Variants in SYNDIG1 observed in about 807,000 individuals in gnomAD.
SYNDIG1 encodes synapse differentiation-inducing gene protein 1.
A neutral mutation model predicts 19.4 loss-of-function variants in SYNDIG1; 9 were observed. The observed-to-expected ratio is 0.46, with a 90% CI of 0.28 to 0.81. The LOEUF (loss-of-function observed/expected upper bound fraction) is 0.81. SYNDIG1 is among the 30% of genes least tolerant of loss of function. The pLI, the probability that SYNDIG1 is intolerant of heterozygous loss-of-function variation, is 0.12. For missense variants in SYNDIG1, 311 were observed against 343.3 expected (o/e 0.91, Z 0.74); for synonymous variants, 141 against 145.9 (o/e 0.97, Z 0.24).
chr20:24,544,299 C>A (rs561779909), intron 2 of SYNDIG1, among the ~76,000 whole-genome samples: 1 of 152,156 alleles, frequency 6.6e-6, no homozygotes, highest in African/African-American at 2.4e-5. Flanking sequence ...CATGGACTAG[C>A]GGTTTGCTGC....
chr20:24,603,282 GC>G (rs1195726906), intron 3 of SYNDIG1, among the ~76,000 whole-genome samples: 1 of 152,094 alleles, frequency 6.6e-6, no homozygotes, highest in Non-Finnish European at 1.5e-5. Context: ...AAACCATGCT[GC>G]CAAATCCTCT....
chr20:24,633,888 G>A (rs551630706), intron 3 of SYNDIG1, among the ~76,000 whole-genome samples: 163 of 152,240 alleles, frequency 1.1e-3, no homozygotes, highest in African/African-American at 3.8e-3. Context: ...CGTGACACCC[G>A]CACCAGCCGC....
intron 1 of SYNDIG1, among the ~76,000 whole-genome samples, chr20:24,542,675 C>G (rs890988329): frequency 6.6e-6 from 1 of 152,060 alleles, no homozygotes; most frequent in Non-Finnish European, 1.5e-5. Context: ...TTCCTATGGA[C>G]TTGTCAGATG....
intron 3 of SYNDIG1, among the ~76,000 whole-genome samples, chr20:24,664,204 G>A (rs943423002): frequency 6.6e-6 from 1 of 152,180 alleles, no homozygotes; most frequent in Non-Finnish European, 1.5e-5. Context: ...CAGAGACCAT[G>A]GAAGATGCAG....
intron 1 of SYNDIG1, among the ~76,000 whole-genome samples, chr20:24,498,587 A>T (rs945212878): frequency 6.6e-6 from 1 of 152,100 alleles, no homozygotes; most frequent in African/African-American, 2.4e-5. Flanking sequence ...TAGATTCCTC[A>T]TGTCATATAT....
intron 3 of SYNDIG1, among the ~76,000 whole-genome samples, chr20:24,641,220 G>A (rs943197344): frequency 1.2e-4 from 18 of 152,106 alleles, no homozygotes; most frequent in Admixed American, 9.8e-4. Flanking sequence ...GGTTTCACAC[G>A]CAGACATGTT....
chr20:24,508,009 C>T (rs911232400), intron 1 of SYNDIG1, among the ~76,000 whole-genome samples: 1 of 152,084 alleles, frequency 6.6e-6, no homozygotes, highest in Non-Finnish European at 1.5e-5. Flanking sequence ...CCAAGAGGAC[C>T]ACTGCAGGCC....
At chr20:24,661,893 A>C (rs2059608111) in intron 3 of SYNDIG1, among the ~76,000 whole-genome samples, 1 of 152,158 alleles carries the variant, frequency 6.6e-6, no homozygotes, top group Non-Finnish European at 1.5e-5. Context: ...ACCAATGGGC[A>C]GGGTGGGGGG....
chr20:24,493,176 AT>A (rs1463683276), intron 1 of SYNDIG1, among the ~76,000 whole-genome samples: 1 of 152,238 alleles, frequency 6.6e-6, no homozygotes, highest in Non-Finnish European at 1.5e-5. Context: ...ACACTTGATC[AT>A]TTTTCACTCC....
At chr20:24,615,036 T>C (rs936420318) in intron 3 of SYNDIG1, among the ~76,000 whole-genome samples, 3 of 152,244 alleles carry the variant, frequency 2.0e-5, no homozygotes, top group African/African-American at 7.2e-5. Flanking sequence ...CCTACTTTAA[T>C]AAGTGAAAGC....
At chr20:24,588,734 G>A in intron 3 of SYNDIG1, among the ~76,000 whole-genome samples, 1 of 152,222 alleles carries the variant, frequency 6.6e-6, no homozygotes, top group East Asian at 1.9e-4. Context: ...GAAGAGGGAA[G>A]GGAGGGATGC....
rs116989841 is a variant in SYNDIG1, at chr20:24,581,805, A to G, written c.481-3051A>G. Among the ~76,000 whole-genome samples the G allele has an allele frequency of 8.8e-3, 1,207 of 137,636 alleles. 6 individuals are homozygous for G. Among genetic ancestry groups the G allele is most frequent in the Middle Eastern group, 0.02 (4 of 202 alleles). The allele number at this position is 137,636 out of a possible 152,430, so 90.3% of individuals were successfully genotyped here. ...CATCCTCCCCGCTGCATGTCCTCCC[A>G]ACTGGACTTCCTCCCCACTGCACGT... On this transcript the variant is annotated intron_variant, in intron 2 of 3. Transcript: ENST00000376862.
chr20:24,634,599 C>T (rs1010894093), intron 3 of SYNDIG1, among the ~76,000 whole-genome samples: 2 of 152,180 alleles, frequency 1.3e-5, no homozygotes, highest in Non-Finnish European at 2.9e-5. Flanking sequence ...GTTTGTGTTT[C>T]ATTGGTTACT....
At chr20:24,491,904 T>A (rs1307338820) in intron 1 of SYNDIG1, among the ~76,000 whole-genome samples, 1 of 152,194 alleles carries the variant, frequency 6.6e-6, no homozygotes, top group Non-Finnish European at 1.5e-5. Context: ...TCAATGCAAG[T>A]ACTCTTTGGA....
rs1447483994 is a variant in SYNDIG1, at chr20:24,618,002, G to T, written c.618+33009G>T. 8.9e-5 allele frequency among the ~76,000 whole-genome samples: 13 copies of T among 145,654 alleles called. No individual in the cohort carries two copies. In the East Asian group the frequency reaches 2.5e-3, roughly 28 times the overall value. ...AAGTCTGGAGAGCGGGGAGAGCCTG[G>T]GGAAGGGAGATGCTGAGAGAGAGCC... On this transcript the variant is annotated intron_variant, in intron 3 of 3. Transcript: ENST00000376862.
intron 1 of SYNDIG1, among the ~76,000 whole-genome samples, chr20:24,528,080 C>T (rs922397684): frequency 2.6e-5 from 4 of 152,180 alleles, no homozygotes; most frequent in African/African-American, 9.7e-5. Flanking sequence ...TGGAGATTTT[C>T]CTTCGCAATC....
At chr20:24,566,322 A>AT (rs1421143350) in intron 2 of SYNDIG1, among the ~76,000 whole-genome samples, 2 of 152,242 alleles carry the variant, frequency 1.3e-5, no homozygotes, top group Non-Finnish European at 2.9e-5. Flanking sequence ...AATTATAATT[A>AT]ATATTTGGCT....
intron 1 of SYNDIG1, among the ~76,000 whole-genome samples, chr20:24,512,108 A>AATATATATATATATAT (rs56002733): frequency 1.3e-4 from 10 of 76,550 alleles, no homozygotes; most frequent in East Asian, 4.0e-4. Context: ...TGGTCTTTAA[A>AATATATATATATATAT]ATATATATAT....
rs2056447571 is a variant in SYNDIG1 at position 24,501,259 on chromosome 20, A to G, written c.-79+31506A>G. 7.9e-5 allele frequency among the ~76,000 whole-genome samples: 12 copies of G among 152,162 alleles called. No homozygotes were observed. The South Asian group carries it at 2.5e-3, about 32-fold the overall frequency. ...GTACTTCTACTTATAATCTACTAAA[A>G]CTCTTGAAGATGGCGATTCCTCTGG... On this transcript the variant is annotated intron_variant, in intron 1 of 3. Transcript: ENST00000376862.
Sources: gnomAD v4.1 joint callset for allele counts (sites outside exome capture counted in the v4.1 genomes callset) on GRCh38, gnomAD v4.1.1 for gene constraint, MANE v1.5 for transcripts, NCBI Gene and HGNC (gene_info 2026-07-23, HGNC 2026-07-21) for gene names.